Variants in GALNTL6 observed in about 807,000 individuals in gnomAD.
The protein encoded by GALNTL6 is polypeptide N-acetylgalactosaminyltransferase-like 6.
Under a neutral mutation model 73.7 loss-of-function variants are expected in GALNTL6, and 46 were observed. The observed-to-expected ratio is 0.62, with a 90% CI of 0.49 to 0.80. GALNTL6 has a LOEUF of 0.80. Among genes scored for constraint, GALNTL6 ranks in the 30% least tolerant of loss-of-function variants. The pLI is 0.00. For synonymous variants in GALNTL6, 259 were observed against 263.7 expected (o/e 0.98, Z 0.17); for missense variants, 604 against 755.0 (o/e 0.80, Z 2.34).
intron 2 of GALNTL6, among the ~76,000 whole-genome samples, chr4:171,898,563 C>T (rs144023789): frequency 3.9e-4 from 59 of 152,040 alleles, no homozygotes; most frequent in African/African-American, 1.3e-3. Context: ...GTATGAATCA[C>T]AAAAGTATCA....
At chr4:172,724,775 A>C (rs1394756363) in intron 5 of GALNTL6, among the ~76,000 whole-genome samples, 2 of 152,110 alleles carry the variant, frequency 1.3e-5, no homozygotes, top group Non-Finnish European at 2.9e-5. Context: ...AAAAAATAGA[A>C]ATGATTCAGA....
At chr4:172,275,721 G>T (rs1188469860) in intron 3 of GALNTL6, among the ~76,000 whole-genome samples, 1 of 152,176 alleles carries the variant, frequency 6.6e-6, no homozygotes, top group Non-Finnish European at 1.5e-5. Flanking sequence ...ACTTTGGGAG[G>T]CTGAGGCATG....
chr4:171,923,503 T>G (rs1737861916), intron 2 of GALNTL6, among the ~76,000 whole-genome samples: 1 of 150,236 alleles, frequency 6.7e-6, no homozygotes, highest in Non-Finnish European at 1.5e-5. Context: ...GTTCACGCCA[T>G]TCTGTTGTCT....
chr4:172,864,524 A>T (rs1744563842), intron 7 of GALNTL6, among the ~76,000 whole-genome samples: 1 of 152,254 alleles, frequency 6.6e-6, no homozygotes, highest in Non-Finnish European at 1.5e-5. Flanking sequence ...AAGAATTTTC[A>T]TGTGGGTCCA....
At chr4:172,747,936 A>G (rs1007580839) in intron 5 of GALNTL6, among the ~76,000 whole-genome samples, 3 of 151,962 alleles carry the variant, frequency 2.0e-5, no homozygotes, top group African/African-American at 7.2e-5. Context: ...AGGCACAGAG[A>G]GACAATCACT....
chr4:172,726,824 C>T (rs1355462340), intron 5 of GALNTL6, among the ~76,000 whole-genome samples: 2 of 152,076 alleles, frequency 1.3e-5, no homozygotes, highest in African/African-American at 2.4e-5. Context: ...TGTTTCTTAC[C>T]TGGTGTATGA....
At position 172,311,606 on chromosome 4, in the gene GALNTL6, C is replaced by CCTGCTAGGG; in HGVS notation, c.248-7_249dup. On this transcript the variant is annotated splice_polypyrimidine_tract_variant and splice_region_variant and intron_variant, in intron 3 of 12. Transcript: ENST00000506823. ...AGATGATAATCTCATTTTGTTTTCT[C>CCTGCTAGGG]CTGCTAGGGAAAGGTGAACATGGGA... 1 of 1,592,914 alleles carries CCTGCTAGGG rather than the reference C, an allele frequency of 6.3e-7. No homozygotes were observed. The highest frequency in any genetic ancestry group is 2.2e-5 in the East Asian group (1 of 44,516).
chr4:172,241,202 C>T (rs1737423681), intron 3 of GALNTL6, among the ~76,000 whole-genome samples: 1 of 152,134 alleles, frequency 6.6e-6, no homozygotes, highest in Non-Finnish European at 1.5e-5. Flanking sequence ...TCTTGCTCAG[C>T]CCTGAGGCTC....
intron 5 of GALNTL6, among the ~76,000 whole-genome samples, chr4:172,729,284 T>C (rs899419336): frequency 1.3e-5 from 2 of 152,126 alleles, no homozygotes; most frequent in Non-Finnish European, 2.9e-5. Context: ...TTTGAGGTCT[T>C]ACACAAAAAA....
At chr4:172,842,145 T>G (rs1471727226) in intron 7 of GALNTL6, among the ~76,000 whole-genome samples, 1 of 152,236 alleles carries the variant, frequency 6.6e-6, no homozygotes, top group Non-Finnish European at 1.5e-5. Context: ...TTTCTGTCTC[T>G]AAAACAAAGT....
chr4:173,035,814 C>A (rs1465039972), intron 12 of GALNTL6, among the ~76,000 whole-genome samples: 1 of 152,114 alleles, frequency 6.6e-6, no homozygotes, highest in Non-Finnish European at 1.5e-5. Flanking sequence ...TTTGAAAATT[C>A]TATTTTGCCA....
intron 5 of GALNTL6, among the ~76,000 whole-genome samples, chr4:172,781,633 G>A (rs1037938565): frequency 4.0e-5 from 6 of 151,684 alleles, no homozygotes; most frequent in East Asian, 1.9e-4. Context: ...CACAAAATAC[G>A]GATTTCCAAA....
At chr4:172,295,971 T>A (rs183390697) in intron 3 of GALNTL6, among the ~76,000 whole-genome samples, 143 of 152,274 alleles carry the variant, frequency 9.4e-4, no homozygotes, top group Middle Eastern at 3.4e-3. Flanking sequence ...TTGCCTTATA[T>A]CACTTGATAG....
intron 5 of GALNTL6, among the ~76,000 whole-genome samples, chr4:172,429,076 A>G (rs544234300): frequency 2.1e-4 from 32 of 152,060 alleles, no homozygotes; most frequent in Non-Finnish European, 2.9e-5. Context: ...GAAGAGGCGA[A>G]CAAGTTCTTT....
chr4:171,907,005 A>G (rs2110954326), intron 2 of GALNTL6, among the ~76,000 whole-genome samples: 1 of 152,268 alleles, frequency 6.6e-6, no homozygotes, highest in South Asian at 2.1e-4. Context: ...CAAAATAATA[A>G]GAGCTATCTA....
chr4:172,296,729 A>G (rs1739690377), intron 3 of GALNTL6, among the ~76,000 whole-genome samples: 2 of 152,180 alleles, frequency 1.3e-5, no homozygotes, highest in African/African-American at 2.4e-5. Flanking sequence ...TCCATGGTGT[A>G]TATGTGCCAC....
chr4:172,669,121 A>G (rs1418448680), intron 5 of GALNTL6: 1 of 152,186 alleles, frequency 6.6e-6, no homozygotes, highest in Admixed American at 6.5e-5. Context: ...TCTGTTATTT[A>G]CTTAACTCCA....
At chr4:173,002,638 C>CA (rs934447401) in intron 10 of GALNTL6, among the ~76,000 whole-genome samples, 3 of 148,472 alleles carry the variant, frequency 2.0e-5, no homozygotes, top group African/African-American at 7.4e-5. Context: ...ACTAAAAATA[C>CA]AAAAAAATTA....
At chr4:172,728,090 C>T (rs1279332251) in intron 5 of GALNTL6, among the ~76,000 whole-genome samples, 1 of 151,820 alleles carries the variant, frequency 6.6e-6, no homozygotes, top group Non-Finnish European at 1.5e-5. Context: ...TTTTTTGTAT[C>T]TTTAGTAGAG....
Sources: gnomAD v4.1 joint callset for allele counts (sites outside exome capture counted in the v4.1 genomes callset) on GRCh38, gnomAD v4.1.1 for gene constraint, MANE v1.5 for transcripts, NCBI Gene and HGNC (gene_info 2026-07-23, HGNC 2026-07-21) for gene names.